Variants in BACH1 observed in about 807,000 individuals in gnomAD.
BACH1 encodes the protein transcription regulator protein BACH1.
BACH1 carries 35 observed loss-of-function variants against 52.9 expected under a neutral mutation model. The observed-to-expected ratio is 0.66, with a 90% CI of 0.51 to 0.88. The LOEUF is 0.88. Among genes scored for constraint, BACH1 ranks in the 40% least tolerant of loss-of-function variants. BACH1 has a pLI of 0.00. For missense variants in BACH1, 808 were observed against 872.6 expected, an observed-to-expected ratio of 0.93 and a Z score of 0.93; for synonymous variants, 321 against 319.6, an observed-to-expected ratio of 1.00 and a Z score of -0.05.
intron 1 of BACH1, among the ~76,000 whole-genome samples, chr21:29,310,899 A>T (rs936428214): frequency 3.3e-5 from 5 of 152,218 alleles, no homozygotes; most frequent in African/African-American, 1.2e-4. Context: ...AATTCAGTAC[A>T]GGAGAGCAAA....
Position 29,320,828 on chromosome 21 carries a change from C to G in BACH1, c.-60-393C>G, listed in dbSNP as rs867166575. Reference sequence around the variant, plus strand: ...GGTGTGACCTCTGGGGACCTTCCTTCTTACCTCTCTGGCTGTCTCTCCTGC... The same window carrying G: ...GGTGTGACCTCTGGGGACCTTCCTTGTTACCTCTCTGGCTGTCTCTCCTGC... On this transcript the variant is annotated intron_variant, in intron 1 of 4. Transcript: ENST00000286800. Among the ~76,000 whole-genome samples the G allele has an allele frequency of 1.1e-3, 174 of 152,178 alleles. 14 individuals carry two copies. The highest frequency in any genetic ancestry group is 2.9e-5 in the Non-Finnish European group (2 of 68,044).
intron 2 of BACH1, among the ~76,000 whole-genome samples, chr21:29,354,339 A>C (rs1358118559): frequency 6.6e-6 from 1 of 152,108 alleles, no homozygotes; most frequent in East Asian, 1.9e-4. Flanking sequence ...GGACAATGGG[A>C]AACTTTTGAA....
At chr21:29,352,268 G>C (rs2089207109) in intron 2 of BACH1, among the ~76,000 whole-genome samples, 1 of 151,912 alleles carries the variant, frequency 6.6e-6, no homozygotes, top group African/African-American at 2.4e-5. Context: ...TGGCCAGGCT[G>C]GTCTTGAACT....
At chr21:29,318,445 A>G (rs1166276952) in intron 1 of BACH1, among the ~76,000 whole-genome samples, 1 of 152,204 alleles carries the variant, frequency 6.6e-6, no homozygotes, top group African/African-American at 2.4e-5. Flanking sequence ...AGGGAGACTG[A>G]TCCTTCTTAG....
chr21:29,323,060 A>G (rs1459486997), intron 2 of BACH1, among the ~76,000 whole-genome samples: 1 of 152,162 alleles, frequency 6.6e-6, no homozygotes. Flanking sequence ...AAATATTTGA[A>G]GTGTTTCATT....
At chr21:29,321,622 A>T in intron 2 of BACH1, 108 bp downstream of exon 2, 2 of 917,908 alleles carry the variant, frequency 2.2e-6, no homozygotes, top group South Asian at 2.1e-5. Flanking sequence ...GCTATGGAGC[A>T]TTTCCCAGGT....
intron 2 of BACH1, among the ~76,000 whole-genome samples, chr21:29,357,676 CCTTA>C (rs1190568509): frequency 6.6e-6 from 1 of 152,232 alleles, no homozygotes; most frequent in Non-Finnish European, 1.5e-5. Flanking sequence ...ACATCAATTT[CCTTA>C]CTTAGGTATG....
At chr21:29,359,200 T>C (rs2089256583) in intron 2 of BACH1, 1 of 152,102 alleles carries the variant, frequency 6.6e-6, no homozygotes, top group African/African-American at 2.4e-5. Flanking sequence ...GTATCTCTAC[T>C]CAAACTAAGA....
chr21:29,299,419 T>G (rs2088578065), intron 1 of BACH1: 1 of 152,876 alleles, frequency 6.5e-6, no homozygotes, highest in Non-Finnish European at 1.5e-5. Flanking sequence ...GCCTCGCGTC[T>G]ACTCAGCCCG....
chr21:29,304,294 T>G (rs992839803), intron 1 of BACH1, among the ~76,000 whole-genome samples: 5 of 152,000 alleles, frequency 3.3e-5, no homozygotes, highest in African/African-American at 1.2e-4. Context: ...GCCCAGCTAA[T>G]TTTTGTGTTT....
intron 1 of BACH1, chr21:29,299,313 C>T (rs1601331532): frequency 6.6e-6 from 1 of 151,920 alleles, no homozygotes; most frequent in South Asian, 2.1e-4. Context: ...GCCAGCCCGG[C>T]CCCTCGCCCG....
In BACH1 at chr21:29,323,973, C is replaced by T. The variant is rs527791179; in HGVS notation, c.235-2086C>T. On this transcript the variant is annotated intron_variant, in intron 2 of 4. Coordinates refer to ENST00000286800, the MANE Select transcript of BACH1 (RefSeq NM_001186.4). ...CCACCACCATAGTTAAGATAACAGC[C>T]GGGCCCAGTGGCTCATGCCTGTAAT... Among the ~76,000 whole-genome samples the T allele has an allele frequency of 1.6e-4, 25 of 152,230 alleles. No individual in the cohort carries two copies. In the South Asian group the frequency reaches 4.1e-3, roughly 25 times the overall value.
intron 2 of BACH1, among the ~76,000 whole-genome samples, chr21:29,358,814 GAAGA>G (rs1470890247): frequency 1.5e-4 from 16 of 108,298 alleles, no homozygotes; most frequent in Admixed American, 7.8e-4. Flanking sequence ...AAGAAAGAAA[GAAGA>G]AAGAAAGAAA....
At chr21:29,359,004 G>A (rs2089255636) in intron 2 of BACH1, 1 of 151,846 alleles carries the variant, frequency 6.6e-6, no homozygotes, top group African/African-American at 2.4e-5. Context: ...CATAACATCA[G>A]ACACAGTAAT....
chr21:29,326,899 A>G lies in BACH1; in HGVS notation c.1075A>G (p.Lys359Glu), dbSNP rs1239524090. ...KPLSGTDVQE[K>E]TFGESQDLPL... The stretch of plus-strand genomic sequence containing the variant: ...TTTGTCAGGTACAGACGTCCAAGAA[A>G]AAACATTTGGTGAAAGTCAGGATTT... Residue 359 changes from lysine to glutamate, a missense_variant, in exon 3 of 5, where the codon AAA becomes GAA. Transcript: ENST00000286800. 8.7e-6 allele frequency: 14 copies of G among 1,614,134 alleles called. No individual in the cohort carries two copies. The highest frequency in any genetic ancestry group is 7.7e-5 in the South Asian group (7 of 91,094).
chr21:29,317,682 T>C (rs2088804060), intron 1 of BACH1, among the ~76,000 whole-genome samples: 1 of 152,216 alleles, frequency 6.6e-6, no homozygotes, highest in Non-Finnish European at 1.5e-5. Flanking sequence ...AGGGTTTTTG[T>C]TAGGAAGAGA....
chr21:29,321,128 T>C, intron 1 of BACH1, 93 bp from the exon 2 acceptor site: 1 of 640,390 alleles, frequency 1.6e-6, no homozygotes, highest in South Asian at 2.2e-5. Context: ...ATTTTCATTT[T>C]TGTTTTAATG....
At chr21:29,299,286 C>T (rs531529869) in intron 1 of BACH1, 2 of 151,916 alleles carry the variant, frequency 1.3e-5, no homozygotes, top group Non-Finnish European at 2.9e-5. Context: ...GCCCCACCCC[C>T]CTCCCTGCCC....
intron 4 of BACH1, among the ~76,000 whole-genome samples, chr21:29,337,954 AAAAC>A (rs1341442411): frequency 6.6e-6 from 1 of 152,062 alleles, no homozygotes; most frequent in Non-Finnish European, 1.5e-5. Flanking sequence ...AACAAAAACA[AAAAC>A]AAAAAAAACG....
Sources: gnomAD v4.1 joint callset for allele counts (sites outside exome capture counted in the v4.1 genomes callset) on GRCh38, gnomAD v4.1.1 for gene constraint, MANE v1.5 for transcripts, NCBI Gene and HGNC (gene_info 2026-07-23, HGNC 2026-07-21) for gene names.